The following ZFHX3 variants were observed in gnomAD, a reference collection of about 807,000 sequenced individuals.
ZFHX3 encodes zinc finger homeobox 3, also known as zinc finger homeobox protein 3.
A neutral mutation model predicts 279.1 loss-of-function variants in ZFHX3; 42 were observed. The ratio of observed to expected loss-of-function variants is 0.15; its 90% CI spans 0.12 to 0.19. ZFHX3 has a LOEUF of 0.19. ZFHX3 is among the 10% of genes least tolerant of loss of function. The probability of loss-of-function intolerance (pLI) is 1.00; values close to 1 mark genes in which losing one functional copy is unlikely to be tolerated. For synonymous variants in ZFHX3, 2,293 were observed against 1,957.8 expected (o/e 1.17, Z -4.52); for missense variants, 4,981 against 4,754.0 (o/e 1.05, Z -1.40).
At chr16:73,613,333 T>G (rs2052265865) in intron 2 of ZFHX3, among the ~76,000 whole-genome samples, 1 of 152,186 alleles carries the variant, frequency 6.6e-6, no homozygotes, top group South Asian at 2.1e-4. Flanking sequence ...TTCCTTAATG[T>G]TCGTAAAAGA....
At chr16:73,577,311 G>A (rs1387690254) in intron 2 of ZFHX3, among the ~76,000 whole-genome samples, 1 of 152,074 alleles carries the variant, frequency 6.6e-6, no homozygotes, top group Non-Finnish European at 1.5e-5. Context: ...TACTTTTGGT[G>A]TCTCCTGTAA....
At chr16:73,819,185 C>G (rs573706995) in intron 1 of ZFHX3, among the ~76,000 whole-genome samples, 25 of 151,934 alleles carry the variant, frequency 1.6e-4, no homozygotes, top group African/African-American at 6.0e-4. Flanking sequence ...AAAGTATCTC[C>G]CAATGGCAAC....
intron 5 of ZFHX3, among the ~76,000 whole-genome samples, chr16:73,146,320 T>G (rs1012821131): frequency 2.0e-5 from 3 of 151,800 alleles, no homozygotes; most frequent in Non-Finnish European, 4.4e-5. Context: ...CACAGCTACT[T>G]GGGAGGCTGA....
At chr16:73,751,421 T>G (rs183466839) in intron 1 of ZFHX3, among the ~76,000 whole-genome samples, 1 of 152,308 alleles carries the variant, frequency 6.6e-6, no homozygotes, top group Admixed American at 6.5e-5. Flanking sequence ...CCATTCTAGT[T>G]TTTAAAAATA....
intron 1 of ZFHX3, among the ~76,000 whole-genome samples, chr16:73,789,053 T>C (rs1469107998): frequency 6.6e-6 from 1 of 150,658 alleles, no homozygotes; most frequent in African/African-American, 2.4e-5. Flanking sequence ...TATATATAGA[T>C]ATCTTATATA....
intron 5 of ZFHX3, among the ~76,000 whole-genome samples, chr16:73,161,123 G>C (rs146681562): frequency 2.6e-5 from 4 of 151,930 alleles, no homozygotes; most frequent in Non-Finnish European, 5.9e-5. Flanking sequence ...CAGGCGCCCG[G>C]CACCATGCCT....
intron 3 of ZFHX3, among the ~76,000 whole-genome samples, chr16:72,942,186 T>A (rs1960441082): frequency 6.6e-6 from 1 of 152,218 alleles, no homozygotes; most frequent in Admixed American, 6.5e-5. Flanking sequence ...CCTCAGCAAG[T>A]TGAAAGAATT....
chr16:73,446,036 T>C (rs568835984), intron 3 of ZFHX3, among the ~76,000 whole-genome samples: 1 of 152,350 alleles, frequency 6.6e-6, no homozygotes, highest in South Asian at 2.1e-4. Context: ...AAATGAATTT[T>C]ACTTGAATAC....
chr16:72,788,600 G>A lies in ZFHX3; in HGVS notation c.9676C>T (p.Leu3226=), dbSNP rs1308848378. ...TCCTTGCGTTGCTGCTGCTGTTGCAGTGGGAGCTGTGGTGTGGGTGGCGGC... is the reference window on the plus strand; with the variant it reads ...TCCTTGCGTTGCTGCTGCTGTTGCAATGGGAGCTGTGGTGTGGGTGGCGGC... The part of the protein sequence containing the change: ...AQPPPTPQLP[L]QQQQQRKDKD... Residue 3226 remains leucine, a synonymous_variant, in exon 10 of 10, where the codon CTG becomes TTG. Transcript: ENST00000268489. 4 of 1,613,552 alleles carry A rather than the reference G, an allele frequency of 2.5e-6. No individual in the cohort carries two copies. In the African/African-American group the frequency reaches 4.0e-5, roughly 16 times the overall value.
intron 5 of ZFHX3, among the ~76,000 whole-genome samples, chr16:73,254,714 T>A (rs546156205): frequency 6.6e-6 from 1 of 152,304 alleles, no homozygotes; most frequent in South Asian, 2.1e-4. Context: ...CATGTTTTTG[T>A]CTCATAGAAA....
At chr16:72,810,935 C>T (rs1036260935) in intron 7 of ZFHX3, among the ~76,000 whole-genome samples, 2 of 152,184 alleles carry the variant, frequency 1.3e-5, no homozygotes, top group African/African-American at 4.8e-5. Flanking sequence ...GGCTGCAGCG[C>T]AGTGGCCTAA....
At position 73,735,901 on chromosome 16, in the gene ZFHX3, T is replaced by TGTTTGTTTG. The variant is rs375304884; in HGVS notation, c.-1607-55662_-1607-55661insCAAACAAAC. On this transcript the variant is annotated intron_variant, in intron 1 of 17. Transcript: ENST00000641206. ...AGCACCAGCCATTCCGTTTTTTTTT[T>TGTTTGTTTG]TTTTTTTTTTTTTTTAATGCTCTGA... is the stretch of plus-strand genomic sequence containing the variant. Among the ~76,000 whole-genome samples, 1,096 of 146,034 alleles carry TGTTTGTTTG rather than the reference T, an allele frequency of 7.5e-3. 7 individuals are homozygous for TGTTTGTTTG. Among genetic ancestry groups the TGTTTGTTTG allele is most frequent in the Admixed American group, 0.011 (170 of 14,948 alleles).
rs545714700 is a variant in ZFHX3 at position 72,914,968 on chromosome 16, G to A, written c.3217-25006C>T. ...ATCACACTACTGCACTCTAGCCTGG[G>A]CGACAGAGTGAGACTCCATCTAAAA... is the stretch of plus-strand genomic sequence containing the variant. On this transcript the variant is annotated intron_variant, in intron 3 of 9. Transcript: ENST00000268489. Among the ~76,000 whole-genome samples the A allele has an allele frequency of 9.9e-5, 15 of 152,268 alleles. 1 individual carries two copies. In the South Asian group the frequency reaches 3.1e-3, roughly 32 times the overall value.
chr16:73,024,524 G>A (rs56311231), intron 1 of ZFHX3, among the ~76,000 whole-genome samples: 21,768 of 152,184 alleles, frequency 0.14, 1,955 homozygotes, highest in Middle Eastern at 0.23. Context: ...ATAAGCCCAC[G>A]TGAGTTGCAC....
At chr16:73,557,091 T>C (rs825691) in intron 2 of ZFHX3, among the ~76,000 whole-genome samples, 54,286 of 102,382 alleles carry the variant, frequency 0.53, 14,709 homozygotes, top group Middle Eastern at 0.62. Context: ...CAAGACTCCG[T>C]CTCAAAAAAA....
At chr16:73,592,620 T>C (rs74862300) in intron 2 of ZFHX3, among the ~76,000 whole-genome samples, 2,767 of 151,948 alleles carry the variant, frequency 0.018, 97 homozygotes, top group East Asian at 0.11. Context: ...TAGGAGGAAA[T>C]GTGAATGAAA....
chr16:73,258,338 C>CATATATATATATATATATATATAT (rs59013847), intron 4 of ZFHX3, among the ~76,000 whole-genome samples: 3 of 124,952 alleles, frequency 2.4e-5, no homozygotes, highest in African/African-American at 8.6e-5. Context: ...TTTGCTATGA[C>CATATATATATATATATATATATAT]ATATATATAT....
chr16:73,781,123 G>A (rs572772685), intron 1 of ZFHX3, among the ~76,000 whole-genome samples: 4 of 152,126 alleles, frequency 2.6e-5, no homozygotes, highest in African/African-American at 9.7e-5. Context: ...CAAGGAAGTC[G>A]GAGTGTTAAA....
intron 3 of ZFHX3, among the ~76,000 whole-genome samples, chr16:73,404,358 A>G (rs1290279495): frequency 6.6e-6 from 1 of 152,222 alleles, no homozygotes; most frequent in Non-Finnish European, 1.5e-5. Context: ...AAGACATGAA[A>G]GTGACCATCT....
Sources: allele counts gnomAD v4.1 joint callset (sites outside exome capture counted in the v4.1 genomes callset), GRCh38; gene constraint gnomAD v4.1.1; transcripts MANE v1.5; gene names NCBI Gene and HGNC (gene_info 2026-07-23, HGNC 2026-07-21).